Variants in PLXDC2 observed in about 807,000 individuals in gnomAD.
PLXDC2 encodes plexin domain-containing protein 2.
A neutral mutation model predicts 68.9 loss-of-function variants in PLXDC2; 40 were observed. That is an observed-to-expected ratio of 0.58 (90% CI 0.45 to 0.76). The LOEUF is 0.76. PLXDC2 is among the 30% of genes least tolerant of loss of function. The pLI is 0.00. For synonymous variants in PLXDC2, 243 were observed against 234.2 expected, an observed-to-expected ratio of 1.04 and a Z score of -0.34; for missense variants, 644 against 661.9, an observed-to-expected ratio of 0.97 and a Z score of 0.30.
rs559167356 is a variant in PLXDC2 at position 19,960,427 on chromosome 10, G to A, written c.113-41348G>A. 1.5e-4 allele frequency among the ~76,000 whole-genome samples: 23 copies of A among 151,960 alleles called. No individual in the cohort carries two copies. In the South Asian group the frequency reaches 4.8e-3, roughly 32 times the overall value. Reference sequence around the variant, plus strand: ...AAATAAATGACAGAAACAAAAACTGGCCAAATGAAACAGAGGTTATCTCTT... The same window carrying A: ...AAATAAATGACAGAAACAAAAACTGACCAAATGAAACAGAGGTTATCTCTT... On this transcript the variant is annotated intron_variant, in intron 1 of 13. Transcript: ENST00000377252.
At chr10:20,164,061 G>A (rs1834340936) in intron 6 of PLXDC2, among the ~76,000 whole-genome samples, 1 of 152,010 alleles carries the variant, frequency 6.6e-6, no homozygotes, top group Admixed American at 6.6e-5. Flanking sequence ...TTCTAAAACT[G>A]TATAAAAACA....
chr10:20,013,595 T>A (rs1357897837), intron 2 of PLXDC2, among the ~76,000 whole-genome samples: 1 of 152,230 alleles, frequency 6.6e-6, no homozygotes, highest in Non-Finnish European at 1.5e-5. Flanking sequence ...AAATCTTTAC[T>A]AGTTCTGTCA....
At chr10:19,947,662 G>GTC (rs1220761483) in intron 1 of PLXDC2, among the ~76,000 whole-genome samples, 40 of 146,468 alleles carry the variant, frequency 2.7e-4, no homozygotes, top group Non-Finnish European at 4.8e-4. Context: ...GGTGATTTAT[G>GTC]TCTCTCTCTC....
intron 3 of PLXDC2, among the ~76,000 whole-genome samples, chr10:20,049,504 C>T (rs1200770663): frequency 6.6e-6 from 1 of 152,054 alleles, no homozygotes; most frequent in African/African-American, 2.4e-5. Context: ...TAAACAACTT[C>T]AGCAAGTTTC....
At chr10:19,971,548 C>T (rs1443749587) in intron 1 of PLXDC2, among the ~76,000 whole-genome samples, 3 of 151,954 alleles carry the variant, frequency 2.0e-5, no homozygotes, top group Admixed American at 2.0e-4. Flanking sequence ...GGATAGGGGC[C>T]GGATGTAAAG....
At chr10:20,209,709 G>T (rs760906818) in intron 9 of PLXDC2, among the ~76,000 whole-genome samples, 1 of 152,030 alleles carries the variant, frequency 6.6e-6, no homozygotes, top group Non-Finnish European at 1.5e-5. Context: ...ATGTCATATT[G>T]TTCAAACACA....
intron 1 of PLXDC2, among the ~76,000 whole-genome samples, chr10:19,895,997 C>T (rs549428623): frequency 6.6e-6 from 1 of 152,266 alleles, no homozygotes; most frequent in African/African-American, 2.4e-5. Context: ...CAGGAAGGTC[C>T]TGGAGCAGGT....
At chr10:19,921,078 C>T (rs893701815) in intron 1 of PLXDC2, among the ~76,000 whole-genome samples, 2 of 151,524 alleles carry the variant, frequency 1.3e-5, no homozygotes, top group Admixed American at 1.3e-4. Flanking sequence ...TAGGTGTGCA[C>T]CACCATGTCT....
At chr10:19,817,289 C>T (rs1404388040) in intron 1 of PLXDC2, 98 bp downstream of exon 1, 1 of 997,168 alleles carries the variant, frequency 1.0e-6, no homozygotes, top group African/African-American at 1.6e-5. Context: ...CATCACCTAT[C>T]TGCCCTTGGG....
At chr10:19,973,150 T>C (rs1257461312) in intron 1 of PLXDC2, among the ~76,000 whole-genome samples, 1 of 151,520 alleles carries the variant, frequency 6.6e-6, no homozygotes, top group Non-Finnish European at 1.5e-5. Context: ...ATGGTTAATT[T>C]CTATATCTTT....
At chr10:20,180,686 T>C (rs1834591807) in intron 9 of PLXDC2, among the ~76,000 whole-genome samples, 1 of 152,034 alleles carries the variant, frequency 6.6e-6, no homozygotes, top group East Asian at 1.9e-4. Flanking sequence ...TTTTAATTGG[T>C]TTGTTTATTT....
chr10:20,096,327 A>C (rs1038985535), intron 4 of PLXDC2, among the ~76,000 whole-genome samples: 1 of 152,204 alleles, frequency 6.6e-6, no homozygotes, highest in African/African-American at 2.4e-5. Context: ...ATTACCTTAT[A>C]GATAATAAAA....
At chr10:19,823,917 A>T (rs1836526523) in intron 1 of PLXDC2, among the ~76,000 whole-genome samples, 1 of 152,062 alleles carries the variant, frequency 6.6e-6, no homozygotes, top group Non-Finnish European at 1.5e-5. Context: ...CTGAGGTGGG[A>T]GGATCACTTG....
chr10:20,176,990 T>A lies in PLXDC2; in HGVS notation c.884-9T>A. ...GTTAAAAATTGATTTTTTTTCCTTT[T>A]TTTTCTAGATGTTCGAAGAAGAACA... On this transcript the variant is annotated splice_polypyrimidine_tract_variant and intron_variant, in intron 7 of 13. Coordinates refer to ENST00000377252, the MANE Select transcript of PLXDC2 (RefSeq NM_032812.9). The A allele has an allele frequency of 6.3e-7, 1 of 1,578,320 alleles. No homozygotes were observed. Among genetic ancestry groups the A allele is most frequent in the African/African-American group, 1.4e-5 (1 of 73,392 alleles).
At chr10:19,989,566 G>C (rs1472030999) in intron 1 of PLXDC2, among the ~76,000 whole-genome samples, 1 of 152,060 alleles carries the variant, frequency 6.6e-6, no homozygotes, top group Admixed American at 6.6e-5. Flanking sequence ...GAAGACATGT[G>C]CAGGCTTTCA....
intron 2 of PLXDC2, among the ~76,000 whole-genome samples, chr10:20,017,288 A>G (rs1320790232): frequency 6.6e-6 from 1 of 152,154 alleles, no homozygotes; most frequent in Non-Finnish European, 1.5e-5. Flanking sequence ...AAGTAGAATA[A>G]AGGGAACAAG....
At chr10:19,847,846 T>C (rs941043657) in intron 1 of PLXDC2, among the ~76,000 whole-genome samples, 1 of 152,202 alleles carries the variant, frequency 6.6e-6, no homozygotes, top group South Asian at 2.1e-4. Context: ...TACAGTGATA[T>C]ACTGTACTGG....
At chr10:20,235,923 A>T (rs1051382785) in intron 12 of PLXDC2, among the ~76,000 whole-genome samples, 1 of 152,136 alleles carries the variant, frequency 6.6e-6, no homozygotes. Flanking sequence ...TTGATATTCC[A>T]TAGTCACTAT....
chr10:20,143,548 A>T lies in PLXDC2; in HGVS notation c.664+131A>T, dbSNP rs532432435. 5.7e-5 allele frequency: 63 copies of T among 1,100,144 alleles called. No homozygotes were observed. The African/African-American group carries it at 8.5e-4, about 15-fold the overall frequency. 68.1% of individuals were successfully genotyped at this position (1,100,144 alleles called of 1,614,324 possible). ...TGCTTGATGCAAATGGTCTGAGAGGACAAATATTATACTGCTAAGATTTAT... is the reference window on the plus strand; with the variant it reads ...TGCTTGATGCAAATGGTCTGAGAGGTCAAATATTATACTGCTAAGATTTAT... On this transcript the variant is annotated intron_variant, in intron 5 of 13. Transcript: ENST00000377252.
Sources: gnomAD v4.1 joint callset for allele counts (sites outside exome capture counted in the v4.1 genomes callset) on GRCh38, gnomAD v4.1.1 for gene constraint, MANE v1.5 for transcripts, NCBI Gene and HGNC (gene_info 2026-07-23, HGNC 2026-07-21) for gene names.